Variants in CDKL4 observed in about 807,000 individuals in gnomAD.
CDKL4 encodes cyclin-dependent kinase-like 4.
Under a neutral mutation model 42.0 loss-of-function variants are expected in CDKL4, and 44 were observed. That is an observed-to-expected ratio of 1.05 (90% confidence interval 0.82 to 1.35). The LOEUF (loss-of-function observed/expected upper bound fraction) is 1.35. CDKL4 is among the 40% of genes most tolerant of loss of function. CDKL4 has a pLI of 0.00. For missense variants in CDKL4, 393 were observed against 369.9 expected (o/e 1.06, Z -0.51); for synonymous variants, 120 against 121.6 (o/e 0.99, Z 0.09).
At chr2:39,233,626 G>A (rs1679204188) in intron 1 of CDKL4, among the ~76,000 whole-genome samples, 2 of 151,784 alleles carry the variant, frequency 1.3e-5, no homozygotes, top group African/African-American at 4.8e-5. Context: ...GCCAAAACCT[G>A]CCCAAGAAAT....
In CDKL4 at chr2:39,214,183, A is replaced by G. The variant is rs937464115; in HGVS notation, c.291-711T>C. 3.3e-5 allele frequency among the ~76,000 whole-genome samples: 5 copies of G among 152,132 alleles called. No homozygotes were observed. The East Asian group carries it at 7.7e-4, about 23-fold the overall frequency. On this transcript the variant is annotated intron_variant, in intron 3 of 9. Coordinates refer to ENST00000451199, the Ensembl canonical transcript of CDKL4. ...GATGATCCACCTGCCTCGCCCTCCTAAAGTGCTTGGATTACAGGTGTGAGA... is the reference window on the plus strand; with the variant it reads ...GATGATCCACCTGCCTCGCCCTCCTGAAGTGCTTGGATTACAGGTGTGAGA...
downstream of CDKL4, among the ~76,000 whole-genome samples, chr2:39,171,874 C>A (rs933107615): frequency 6.6e-6 from 1 of 152,154 alleles, no homozygotes; most frequent in Non-Finnish European, 1.5e-5. Flanking sequence ...ACTACATAAA[C>A]AAAAGGCTTG....
At chr2:39,199,474 T>C (rs754862520) in intron 5 of CDKL4, among the ~76,000 whole-genome samples, 66 of 152,048 alleles carry the variant, frequency 4.3e-4, no homozygotes, top group Non-Finnish European at 7.2e-4. Flanking sequence ...GGGAATCCTC[T>C]CTAAATCACT....
intron 1 of CDKL4, among the ~76,000 whole-genome samples, chr2:39,233,884 AT>A (rs1679218877): frequency 6.8e-6 from 1 of 146,004 alleles, no homozygotes; most frequent in Non-Finnish European, 1.5e-5. Context: ...AAGAAGATAT[AT>A]ATATATATAT....
At chr2:39,205,015 C>G (rs1240886062) in intron 4 of CDKL4, among the ~76,000 whole-genome samples, 1 of 151,492 alleles carries the variant, frequency 6.6e-6, no homozygotes, top group Non-Finnish European at 1.5e-5. Flanking sequence ...CCTGTCTCTA[C>G]AAAAAAGTTA....
At chr2:39,243,469 T>G (rs1679764657) in intron 1 of CDKL4, among the ~76,000 whole-genome samples, 1 of 152,274 alleles carries the variant, frequency 6.6e-6, no homozygotes, top group Non-Finnish European at 1.5e-5. Flanking sequence ...TAATTTTGTT[T>G]AAATATATCA....
At chr2:39,213,159 C>G in intron 4 of CDKL4, among the ~76,000 whole-genome samples, 1 of 151,838 alleles carries the variant, frequency 6.6e-6, no homozygotes, top group African/African-American at 2.4e-5. Context: ...CCCTTTTCTT[C>G]TTTTTTGCAG....
intron 5 of CDKL4, among the ~76,000 whole-genome samples, chr2:39,191,953 C>T (rs938064127): frequency 3.9e-5 from 6 of 152,200 alleles, no homozygotes; most frequent in Admixed American, 6.5e-5. Context: ...AAGACACTGC[C>T]ACAAAAGGCA....
At chr2:39,206,746 G>A (rs754809393) in intron 4 of CDKL4, among the ~76,000 whole-genome samples, 1 of 152,192 alleles carries the variant, frequency 6.6e-6, no homozygotes, top group African/African-American at 2.4e-5. Context: ...TCCTGTGATT[G>A]CAAGTGGCCA....
chr2:39,175,942 C>T (rs1675147036), exon 10 of CDKL4: 4 of 441,858 alleles, frequency 9.1e-6, no homozygotes, highest in South Asian at 6.8e-5. Flanking sequence ...TCCTATCTCA[C>T]TTGTACAAAA....
intron 4 of CDKL4, 95 bp downstream of exon 4, chr2:39,213,305 C>G: frequency 1.2e-6 from 1 of 819,558 alleles, no homozygotes. Flanking sequence ...CTTACTTTCC[C>G]TTTGTCTTCA....
chr2:39,210,563 T>G (rs982680901), intron 4 of CDKL4, among the ~76,000 whole-genome samples: 8 of 152,112 alleles, frequency 5.3e-5, no homozygotes, highest in Non-Finnish European at 1.0e-4. Flanking sequence ...AATATCCAAT[T>G]TAGGTATTAA....
intron 1 of CDKL4, among the ~76,000 whole-genome samples, chr2:39,235,888 GA>G (rs886451142): frequency 2.4e-4 from 34 of 143,846 alleles, no homozygotes; most frequent in Non-Finnish European, 3.7e-4. Flanking sequence ...GAAGAAGAAA[GA>G]AAAAAAAATA....
At chr2:39,240,832 G>A (rs1423443452) in intron 1 of CDKL4, among the ~76,000 whole-genome samples, 1 of 152,132 alleles carries the variant, frequency 6.6e-6, no homozygotes, top group African/African-American at 2.4e-5. Flanking sequence ...CATCTCCTCT[G>A]TGGTATTCTT....
intron 3 of CDKL4, among the ~76,000 whole-genome samples, chr2:39,216,441 T>C (rs539553916): frequency 3.3e-5 from 5 of 152,294 alleles, no homozygotes; most frequent in African/African-American, 1.2e-4. Context: ...GATCTAGATC[T>C]CAATAAGAAA....
chr2:39,208,732 G>A lies in CDKL4; in HGVS notation c.364-4115C>T, dbSNP rs1469092615. The stretch of plus-strand genomic sequence containing the variant: ...TTTTTTTTTTTTTTTTGGCTCACAG[G>A]CCAGCCTAAAGAGATATCCATGGTA... On this transcript the variant is annotated intron_variant, in intron 4 of 9. Coordinates refer to ENST00000451199, the Ensembl canonical transcript of CDKL4. 3.4e-5 allele frequency among the ~76,000 whole-genome samples: 5 copies of A among 147,512 alleles called. 1 individual carries two copies. The highest frequency in any genetic ancestry group is 4.3e-4 in the South Asian group (2 of 4,666).
rs1677041502 is a variant in CDKL4 at position 39,204,392 on chromosome 2, G to C, written c.454+135C>G. 4.6e-6 allele frequency: 3 copies of C among 656,398 alleles called. No individual in the cohort carries two copies. In the East Asian group the frequency reaches 8.5e-5, roughly 19 times the overall value. The allele number at this position is 656,398 out of a possible 1,614,324, so 40.7% of individuals were successfully genotyped here. ...TGCAAACGAATGTACTGACTAAAAG[G>C]CTAAAGTGAGATTTTCCTTTTTGAA... On this transcript the variant is annotated intron_variant, in intron 5 of 9. Transcript: ENST00000451199.
At chr2:39,216,826 T>A (rs1434731464) in intron 3 of CDKL4, among the ~76,000 whole-genome samples, 1 of 152,062 alleles carries the variant, frequency 6.6e-6, no homozygotes, top group African/African-American at 2.4e-5. Context: ...TAACAGGGAA[T>A]GGAGAATGAA....
At chr2:39,204,837 A>C (rs924091515) in intron 4 of CDKL4, among the ~76,000 whole-genome samples, 8 of 152,168 alleles carry the variant, frequency 5.3e-5, no homozygotes, top group Non-Finnish European at 1.0e-4. Flanking sequence ...TATTGAAAAA[A>C]TTGAAATTAT....
Sources: gnomAD v4.1 joint callset for allele counts (sites outside exome capture counted in the v4.1 genomes callset) on GRCh38, gnomAD v4.1.1 for gene constraint, MANE v1.5 for transcripts, NCBI Gene and HGNC (gene_info 2026-07-23, HGNC 2026-07-21) for gene names.